OTOGL: variants seen among roughly 807,000 people sequenced by gnomAD.
The protein encoded by OTOGL is otogelin like, also known as otogelin-like protein.
In OTOGL, 285 loss-of-function variants were observed where a neutral mutation model predicts 318.5. The ratio of observed to expected loss-of-function variants is 0.89; its 90% CI spans 0.81 to 0.99. The LOEUF (loss-of-function observed/expected upper bound fraction) is 0.99, where lower values mean the gene tolerates loss of function less well. OTOGL is among the 50% of genes least tolerant of loss of function. OTOGL has a pLI of 0.00. For missense variants in OTOGL, 2,899 were observed against 2,845.6 expected (o/e 1.02, Z -0.43); for synonymous variants, 987 against 936.5 (o/e 1.05, Z -0.99).
intron 42 of OTOGL, among the ~76,000 whole-genome samples, chr12:80,337,474 G>T (rs1214231321): frequency 3.9e-5 from 6 of 151,940 alleles, no homozygotes; most frequent in Non-Finnish European, 1.5e-5. Flanking sequence ...GCTAACATAA[G>T]AAAAATATGA....
At chr12:80,114,763 G>C (rs143376638) in intron 1 of OTOGL, among the ~76,000 whole-genome samples, 1 of 152,060 alleles carries the variant, frequency 6.6e-6, no homozygotes, top group African/African-American at 2.4e-5. Context: ...ATCAAATGTA[G>C]GTTTGGTCTT....
At chr12:80,363,240 G>T (rs1349321134) in intron 52 of OTOGL, among the ~76,000 whole-genome samples, 1 of 152,134 alleles carries the variant, frequency 6.6e-6, no homozygotes, top group Non-Finnish European at 1.5e-5. Context: ...CCAGACACTT[G>T]AAAAAACACA....
At chr12:80,190,786 C>CAAAAAAAAAAAA (rs55950528) in intron 1 of OTOGL, among the ~76,000 whole-genome samples, 1 of 73,676 alleles carries the variant, frequency 1.4e-5, no homozygotes, top group Non-Finnish European at 2.4e-5. Context: ...GACTCCGTCT[C>CAAAAAAAAAAAA]AAAAAAAAAA....
intron 1 of OTOGL, among the ~76,000 whole-genome samples, chr12:80,116,122 C>T (rs377762656): frequency 3.9e-5 from 6 of 152,164 alleles, no homozygotes; most frequent in Non-Finnish European, 7.3e-5. Flanking sequence ...GCAGCTAGCT[C>T]GGTATCTGCC....
At chr12:80,215,583 A>G (rs938834642) in intron 4 of OTOGL, among the ~76,000 whole-genome samples, 1 of 152,162 alleles carries the variant, frequency 6.6e-6, no homozygotes, top group Non-Finnish European at 1.5e-5. Context: ...AGATTGGGAA[A>G]CTGAACCTGA....
At chr12:80,124,237 G>C (rs1329892821) in intron 1 of OTOGL, among the ~76,000 whole-genome samples, 1 of 152,168 alleles carries the variant, frequency 6.6e-6, no homozygotes, top group Non-Finnish European at 1.5e-5. Flanking sequence ...AAGGGATCCA[G>C]TTTCAGCTTT....
At position 80,370,645 on chromosome 12, in the gene OTOGL, T is replaced by A. The variant is rs199811430; in HGVS notation, c.6691T>A (p.Tyr2231Asn). 2.3e-4 allele frequency: 361 copies of A among 1,596,010 alleles called. No individual in the cohort carries two copies. Among genetic ancestry groups the A allele is most frequent in the Non-Finnish European group, 2.7e-4 (320 of 1,168,462 alleles). ...KTDEGAIILNYTMVCPPFNET... is the reference protein window; with the variant it reads ...KTDEGAIILNNTMVCPPFNET... ...TGATGAAGGAGCAATAATTCTGAAC[T>A]ACACAATGGTCTGTCCCCCTTTTAA... Residue 2231 changes from tyrosine (Y) to asparagine (N), a missense_variant, in exon 56 of 59, where the codon TAC (tyrosine) becomes AAC (asparagine). Tyr to Asn is a moderately radical substitution (Grantham distance 143). Around this residue, in one of 3 missense-constraint regions of OTOGL, gnomAD observed 289 missense variants for 304.6 expected, o/e 0.95. Transcript: ENST00000547103.
intron 26 of OTOGL, among the ~76,000 whole-genome samples, chr12:80,285,018 G>A (rs544774272): frequency 2.6e-5 from 4 of 151,932 alleles, no homozygotes; most frequent in East Asian, 3.9e-4. Flanking sequence ...TAGGTCTTAT[G>A]CTTAAGTCTT....
At chr12:80,162,314 G>C (rs1240146136) in intron 1 of OTOGL, among the ~76,000 whole-genome samples, 4 of 152,112 alleles carry the variant, frequency 2.6e-5, no homozygotes, top group Non-Finnish European at 5.9e-5. Context: ...TCTAATTATA[G>C]AGATGGTGAC....
At chr12:80,375,618 C>T (rs1261976341) in intron 57 of OTOGL, among the ~76,000 whole-genome samples, 1 of 152,032 alleles carries the variant, frequency 6.6e-6, no homozygotes, top group African/African-American at 2.4e-5. Flanking sequence ...ACTGAGTGTC[C>T]TTGGGAAGCC....
chr12:80,358,930 A>G (rs548339490), intron 52 of OTOGL, 30 bp downstream of exon 52: 20 of 1,423,596 alleles, frequency 1.4e-5, no homozygotes, highest in South Asian at 5.2e-5. Flanking sequence ...TTGACTTGTC[A>G]TATTTATTTA....
chr12:80,335,016 C>T (rs1888303879), intron 38 of OTOGL, among the ~76,000 whole-genome samples: 1 of 152,036 alleles, frequency 6.6e-6, no homozygotes, highest in Non-Finnish European at 1.5e-5. Context: ...TTCTCTAAAC[C>T]TTATTTTAAA....
At chr12:80,267,970 C>T (rs1367758544) in intron 22 of OTOGL, among the ~76,000 whole-genome samples, 1 of 143,638 alleles carries the variant, frequency 7.0e-6, no homozygotes, top group Non-Finnish European at 1.5e-5. Context: ...TGAATAGGCT[C>T]AAAAAAAAAA....
intron 8 of OTOGL, among the ~76,000 whole-genome samples, chr12:80,231,131 G>A (rs1879321469): frequency 6.6e-6 from 1 of 152,066 alleles, no homozygotes; most frequent in African/African-American, 2.4e-5. Flanking sequence ...CATAAGATTA[G>A]CTTTCCATTA....
At position 80,147,817 on chromosome 12, in the gene OTOGL, G is replaced by C. The variant is rs1439682975; in HGVS notation, c.-20+48212G>C. 1.6e-4 allele frequency among the ~76,000 whole-genome samples: 24 copies of C among 152,168 alleles called. No homozygotes were observed. In the East Asian group the frequency reaches 2.7e-3, roughly 17 times the overall value. On this transcript the variant is annotated intron_variant, in intron 1 of 58. Coordinates refer to ENST00000547103, the MANE Select transcript of OTOGL (RefSeq NM_001378609.3). Reference sequence around the variant, plus strand: ...CCCTTTACCATTATATAATGGCCTTGTTTGTCTCTTTTGATCTTTATTGGT... The same window carrying C: ...CCCTTTACCATTATATAATGGCCTTCTTTGTCTCTTTTGATCTTTATTGGT...
At chr12:80,133,952 CA>C (rs1871391339) in intron 1 of OTOGL, among the ~76,000 whole-genome samples, 1 of 151,228 alleles carries the variant, frequency 6.6e-6, no homozygotes. Flanking sequence ...AAAACAAAAA[CA>C]AAAACAAAAA....
intron 21 of OTOGL, 31 bp from the exon 22 acceptor site, chr12:80,267,222 A>G (rs778021052): frequency 1.4e-6 from 2 of 1,399,324 alleles, no homozygotes; most frequent in Non-Finnish European, 2.0e-6. Flanking sequence ...AAAAAATTGT[A>G]TCCTATTTAC....
Position 80,373,665 on chromosome 12 carries a change from T to C in OTOGL, c.6781+1601T>C, listed in dbSNP as rs1029777281. Among the ~76,000 whole-genome samples the C allele has an allele frequency of 6.0e-5, 9 of 150,682 alleles. No individual in the cohort carries two copies. The South Asian group carries it at 8.4e-4, about 14-fold the overall frequency. ...TACAAATACTATGTAATATATACTA[T>C]CTATATACAATATATAATATGTAAT... On this transcript the variant is annotated intron_variant, in intron 57 of 58. Coordinates refer to ENST00000547103, the MANE Select transcript of OTOGL (RefSeq NM_001378609.3).
intron 1 of OTOGL, among the ~76,000 whole-genome samples, chr12:80,124,108 T>C (rs1044263332): frequency 2.6e-5 from 4 of 152,250 alleles, no homozygotes; most frequent in Non-Finnish European, 4.4e-5. Context: ...ATGAAGTCCT[T>C]GCCCATGCCT....
Sources: gnomAD v4.1 joint callset for allele counts (sites outside exome capture counted in the v4.1 genomes callset) on GRCh38, gnomAD v4.1.1 for gene constraint, gnomAD v4.1.1 regional missense constraint, MANE v1.5 for transcripts, NCBI Gene and HGNC (gene_info 2026-07-23, HGNC 2026-07-21) for gene names.